Variants in UGCG observed in about 807,000 individuals in gnomAD.
The protein encoded by UGCG is ceramide glucosyltransferase.
Under a neutral mutation model 49.5 loss-of-function variants are expected in UGCG, and 10 were observed. The ratio of observed to expected loss-of-function variants is 0.20; its 90% CI spans 0.12 to 0.34. The LOEUF (loss-of-function observed/expected upper bound fraction) is 0.34, where lower values mean the gene tolerates loss of function less well. Ranked by LOEUF, UGCG falls within the 10% of genes least tolerant of loss-of-function variation. UGCG has a pLI of 1.00. For missense variants in UGCG, 312 were observed against 483.7 expected, an observed-to-expected ratio of 0.65 and a Z score of 3.33; for synonymous variants, 182 against 158.2, an observed-to-expected ratio of 1.15 and a Z score of -1.13.
At chr9:111,907,286 G>A (rs1402650908) in intron 1 of UGCG, among the ~76,000 whole-genome samples, 1 of 152,214 alleles carries the variant, frequency 6.6e-6, no homozygotes, top group Non-Finnish European at 1.5e-5. Flanking sequence ...CTGAATGAGA[G>A]GTGGCGTGTG....
intron 2 of UGCG, among the ~76,000 whole-genome samples, chr9:111,917,100 A>G (rs1169200732): frequency 6.6e-6 from 1 of 152,162 alleles, no homozygotes; most frequent in African/African-American, 2.4e-5. Flanking sequence ...TAGTTATATC[A>G]TTTAAGTGGG....
intron 5 of UGCG, chr9:111,929,219 A>G (rs62570267): frequency 0.021 from 6,112 of 290,060 alleles, 94 homozygotes; most frequent in Non-Finnish European, 0.029. Flanking sequence ...TAAAAACAAG[A>G]TACATTGAAT....
intron 6 of UGCG, 82 bp from the exon 7 acceptor site, chr9:111,931,189 A>G (rs1238612345): frequency 1.4e-6 from 2 of 1,382,746 alleles, no homozygotes; most frequent in Non-Finnish European, 2.0e-6. Context: ...CCTGGTCTTT[A>G]TAATGATTAC....
intron 2 of UGCG, among the ~76,000 whole-genome samples, chr9:111,916,713 A>C (rs946327626): frequency 6.6e-6 from 1 of 151,078 alleles, no homozygotes; most frequent in Non-Finnish European, 1.5e-5. Flanking sequence ...CAATCCCCCC[A>C]CCTCAGCCTC....
intron 2 of UGCG, 53 bp downstream of exon 2, chr9:111,914,799 CATG>C: frequency 6.2e-7 from 1 of 1,600,382 alleles, no homozygotes; most frequent in Non-Finnish European, 8.5e-7. Flanking sequence ...TTGTTCCCCT[CATG>C]ATAAACATTT....
rs1589513672 is a variant in UGCG, at chr9:111,897,115, T to G, written c.-101T>G. 2 of 525,364 alleles carry G rather than the reference T, an allele frequency of 3.8e-6. No homozygotes were observed. Among genetic ancestry groups the G allele is most frequent in the Admixed American group, 4.3e-5 (1 of 23,402 alleles). The allele number at this position is 525,364 out of a possible 1,614,324, so 32.5% of individuals were successfully genotyped here. ...TTCCTCTCCCCACCTTCCTCTCGCC[T>G]CCCGCGCCCCCGCACCGGGCGCCCA... On this transcript the variant is annotated 5_prime_UTR_variant, in exon 1 of 9. Transcript: ENST00000374279.
At position 111,932,310 on chromosome 9, in the gene UGCG, A is replaced by G; in HGVS notation, c.965A>G (p.His322Arg). 6.2e-7 allele frequency: 1 copy of G among 1,614,098 alleles called. No homozygotes were observed. Among genetic ancestry groups the G allele is most frequent in the Non-Finnish European group, 8.5e-7 (1 of 1,180,018 alleles). ...RWDIMVFFMCHCLAWFIFDYI... is the reference protein window; with the variant it reads ...RWDIMVFFMCRCLAWFIFDYI... ...GATATTATGGTATTTTTCATGTGTC[A>G]TTGCCTGGCATGGTTTATATTTGAC... The change falls in exon 8 of 9, where the codon CAT becomes CGT. Residue 322 changes from histidine to arginine, a missense_variant. Transcript: ENST00000374279.
intron 2 of UGCG, among the ~76,000 whole-genome samples, chr9:111,919,606 A>C (rs1356563471): frequency 6.6e-6 from 1 of 152,034 alleles, no homozygotes; most frequent in Non-Finnish European, 1.5e-5. Context: ...CCTGGCTAGC[A>C]CAGTGAAACT....
rs1184572877 is a variant in UGCG, at chr9:111,932,817, C to T, written c.1015-10C>T. On this transcript the variant is annotated splice_polypyrimidine_tract_variant and intron_variant, in intron 8 of 8. Transcript: ENST00000374279. ...GAGTGAAATTAAAAAATTTTTTTTTCCATTCCTAGGGTGGCACACTGTGTT... is the reference window on the plus strand; with the variant it reads ...GAGTGAAATTAAAAAATTTTTTTTTTCATTCCTAGGGTGGCACACTGTGTT... The T allele has an allele frequency of 5.2e-6, 8 of 1,531,216 alleles. No homozygotes were observed. Among genetic ancestry groups the T allele is most frequent in the Admixed American group, 4.3e-5 (2 of 45,980 alleles). The allele number at this position is 1,531,216 out of a possible 1,614,324, so 94.9% of individuals were successfully genotyped here. A position where few individuals can be genotyped will look rare whatever the true frequency, so the allele number is the denominator to read the frequency against.
At position 111,934,421 on chromosome 9, in the gene UGCG, G is replaced by GTT. The variant is rs1440000094; in HGVS notation, c.*1427_*1428dup. 2 of 151,896 alleles carry GTT rather than the reference G, an allele frequency of 1.3e-5. No individual in the cohort carries two copies. The highest frequency in any genetic ancestry group is 4.8e-5 in the African/African-American group (2 of 41,376). The allele number at this position is 151,896 out of a possible 1,614,324, so 9.4% of individuals were successfully genotyped here. A position where few individuals can be genotyped will look rare whatever the true frequency, so the allele number is the denominator to read the frequency against. ...AGCCTTTTCTTTGTTAAGTAGTGGT[G>GTT]TTTTGCTTTTTCTTCAGGATTGGAT... is the stretch of plus-strand genomic sequence containing the variant. On this transcript the variant is annotated 3_prime_UTR_variant, in exon 9 of 9. Coordinates refer to ENST00000374279, the MANE Select transcript of UGCG (RefSeq NM_003358.3).
chr9:111,922,792 C>A, intron 2 of UGCG, 57 bp from the exon 3 acceptor site: 2 of 1,267,628 alleles, frequency 1.6e-6, no homozygotes, highest in Non-Finnish European at 2.2e-6. Flanking sequence ...TCAATACATG[C>A]TAGTAAGTGC....
At position 111,897,074 on chromosome 9, in the gene UGCG, C is replaced by T. The variant is rs1210444224; in HGVS notation, c.-142C>T. The T allele has an allele frequency of 3.8e-6, 2 of 524,686 alleles. No individual in the cohort carries two copies. The highest frequency in any genetic ancestry group is 4.1e-5 in the African/African-American group (2 of 48,770). 32.5% of individuals were successfully genotyped at this position (524,686 alleles called of 1,614,324 possible). ...AGGCCCTGCCCGCCCCTTCCGTCCC[C>T]ACCCCCCTCCGCCCTTTCCTCTCCC... On this transcript the variant is annotated 5_prime_UTR_variant, in exon 1 of 9. Coordinates refer to ENST00000374279, the MANE Select transcript of UGCG (RefSeq NM_003358.3).
chr9:111,912,923 G>T (rs1419857595), intron 1 of UGCG, among the ~76,000 whole-genome samples: 1 of 152,158 alleles, frequency 6.6e-6, no homozygotes, highest in Non-Finnish European at 1.5e-5. Context: ...GCACGTGTGT[G>T]TAAAACTGTA....
chr9:111,931,163 T>C, intron 6 of UGCG, 108 bp from the exon 7 acceptor site: 1 of 1,075,878 alleles, frequency 9.3e-7, no homozygotes, highest in Non-Finnish European at 1.3e-6. Flanking sequence ...GGGCTCACCC[T>C]GAATACCGGC....
At chr9:111,903,141 C>T (rs552363033) in intron 1 of UGCG, among the ~76,000 whole-genome samples, 2 of 152,302 alleles carry the variant, frequency 1.3e-5, no homozygotes, top group South Asian at 2.1e-4. Context: ...GGCTGCTTCC[C>T]GCCATCTGAA....
At chr9:111,915,686 C>T in intron 2 of UGCG, 3 of 713,294 alleles carry the variant, frequency 4.2e-6, no homozygotes, top group Non-Finnish European at 5.2e-6. Flanking sequence ...CTCAAATAAT[C>T]AGAAGGAAGA....
chr9:111,902,828 A>G (rs1837803510), intron 1 of UGCG, among the ~76,000 whole-genome samples: 2 of 150,314 alleles, frequency 1.3e-5, no homozygotes, highest in African/African-American at 4.9e-5. Flanking sequence ...CCCAGGCTGG[A>G]TGGCAGTGGT....
In UGCG at chr9:111,929,406, A is replaced by G. The variant is rs990212678; in HGVS notation, c.559-94A>G. 4 of 1,298,030 alleles carry G rather than the reference A, an allele frequency of 3.1e-6. No homozygotes were observed. The Admixed American group carries it at 1.1e-4, about 35-fold the overall frequency. The allele number at this position is 1,298,030 out of a possible 1,614,324, so 80.4% of individuals were successfully genotyped here. ...AGAATAATAAGATATTCACTCAATC[A>G]TACTTATAAAAAAACCATTGGGAAA... On this transcript the variant is annotated intron_variant, in intron 5 of 8. Coordinates refer to ENST00000374279, the MANE Select transcript of UGCG (RefSeq NM_003358.3).
chr9:111,930,009 G>C (rs1007408565), intron 6 of UGCG, among the ~76,000 whole-genome samples: 1 of 151,970 alleles, frequency 6.6e-6, no homozygotes, highest in Non-Finnish European at 1.5e-5. Context: ...GTAGAGATGG[G>C]GTTTCTTCAT....
Sources: allele counts gnomAD v4.1 joint callset (sites outside exome capture counted in the v4.1 genomes callset), GRCh38; gene constraint gnomAD v4.1.1; transcripts MANE v1.5; gene names NCBI Gene and HGNC (gene_info 2026-07-23, HGNC 2026-07-21).